PRR16: variants seen among roughly 807,000 people sequenced by gnomAD.
PRR16 encodes the protein protein Largen.
Under a neutral mutation model 18.2 loss-of-function variants are expected in PRR16, and 6 were observed. The ratio of observed to expected loss-of-function variants is 0.33; its 90% CI spans 0.18 to 0.65. The LOEUF is 0.65. Ranked by LOEUF, PRR16 falls within the 30% of genes least tolerant of loss-of-function variation. PRR16 has a pLI of 0.74. For missense variants in PRR16, 412 were observed against 376.6 expected, an observed-to-expected ratio of 1.09 and a Z score of -0.78; for synonymous variants, 151 against 147.8, an observed-to-expected ratio of 1.02 and a Z score of -0.16.
At chr5:120,554,304 T>A (rs980041294) in intron 1 of PRR16, among the ~76,000 whole-genome samples, 15 of 151,896 alleles carry the variant, frequency 9.9e-5, no homozygotes, top group Non-Finnish European at 1.5e-4. Flanking sequence ...AAGATTACCA[T>A]CTGAAATGGT....
intron 1 of PRR16, among the ~76,000 whole-genome samples, chr5:120,467,539 G>A (rs1482476605): frequency 2.6e-5 from 4 of 152,038 alleles, no homozygotes; most frequent in African/African-American, 7.2e-5. Context: ...CTTCATAGAA[G>A]TTTTCTGGGC....
At chr5:120,629,534 C>A (rs904673374) in intron 1 of PRR16, among the ~76,000 whole-genome samples, 4 of 152,060 alleles carry the variant, frequency 2.6e-5, no homozygotes, top group African/African-American at 9.7e-5. Context: ...ACCACCTTAC[C>A]ATCTAATATT....
At chr5:120,779,787 T>TAG in the PRR16 span, among the ~76,000 whole-genome samples, 1 of 152,182 alleles carries the variant, frequency 6.6e-6, no homozygotes, top group African/African-American at 2.4e-5. Flanking sequence ...GTTTCATTTC[T>TAG]TGGCATATCT....
chr5:120,645,297 A>G (rs1755550610), intron 1 of PRR16, among the ~76,000 whole-genome samples: 1 of 151,942 alleles, frequency 6.6e-6, no homozygotes, highest in Non-Finnish European at 1.5e-5. Flanking sequence ...CTGGTACTGT[A>G]TAATACATGA....
intron 1 of PRR16, among the ~76,000 whole-genome samples, chr5:120,603,083 G>T (rs1291743134): frequency 2.0e-5 from 3 of 152,042 alleles, no homozygotes; most frequent in Non-Finnish European, 4.4e-5. Flanking sequence ...TTCATAGAAT[G>T]AGGTGGGGAG....
At chr5:120,672,538 ATATG>A (rs1373574004) in intron 1 of PRR16, among the ~76,000 whole-genome samples, 13 of 49,540 alleles carry the variant, frequency 2.6e-4, no homozygotes, top group African/African-American at 5.8e-4. Context: ...TTATAGATAT[ATATG>A]TGTGTGTGTG....
chr5:120,684,726 C>G (rs930168804), intron 1 of PRR16, among the ~76,000 whole-genome samples: 1 of 152,290 alleles, frequency 6.6e-6, no homozygotes, highest in South Asian at 2.1e-4. Flanking sequence ...CAGCCAATGA[C>G]TGAACAGGGC....
chr5:120,689,838 T>A (rs1057224618), downstream of PRR16, among the ~76,000 whole-genome samples: 1 of 151,624 alleles, frequency 6.6e-6, no homozygotes, highest in African/African-American at 2.4e-5. Context: ...GAAAAGAAAA[T>A]AAAAATTGCC....
chr5:120,501,418 C>T (rs961062557), intron 1 of PRR16, among the ~76,000 whole-genome samples: 20 of 137,776 alleles, frequency 1.5e-4, no homozygotes, highest in Admixed American at 4.8e-4. Flanking sequence ...TAAACACACA[C>T]ACATACACAC....
intron 1 of PRR16, among the ~76,000 whole-genome samples, chr5:120,564,299 G>T (rs1752666671): frequency 6.6e-6 from 1 of 152,230 alleles, no homozygotes; most frequent in Admixed American, 6.5e-5. Context: ...CCCTGCCTCT[G>T]AGCCCAGCCC....
chr5:120,528,024 C>G (rs1332952214), intron 1 of PRR16, among the ~76,000 whole-genome samples: 1 of 152,084 alleles, frequency 6.6e-6, no homozygotes. Context: ...TTGGTAAATA[C>G]TAGTTTAGGT....
At chr5:120,543,713 A>C (rs1751987745) in intron 1 of PRR16, among the ~76,000 whole-genome samples, 1 of 152,192 alleles carries the variant, frequency 6.6e-6, no homozygotes, top group South Asian at 2.1e-4. Flanking sequence ...GTTATGCCTC[A>C]GCAATGATTT....
chr5:120,655,719 A>C (rs905910891), intron 1 of PRR16, among the ~76,000 whole-genome samples: 48 of 106,378 alleles, frequency 4.5e-4, no homozygotes, highest in African/African-American at 1.6e-3. Context: ...GGATGATAGC[A>C]ATTGACTTTT....
chr5:120,761,085 A>C, the PRR16 span, among the ~76,000 whole-genome samples: 1 of 150,968 alleles, frequency 6.6e-6, no homozygotes, highest in East Asian at 1.9e-4. Context: ...TGTCTTATAC[A>C]TATAAAATTT....
At chr5:120,544,333 T>TA (rs1307635271) in intron 1 of PRR16, among the ~76,000 whole-genome samples, 6 of 152,186 alleles carry the variant, frequency 3.9e-5, no homozygotes, top group African/African-American at 1.4e-4. Flanking sequence ...TAATTTTATT[T>TA]AAAGAAATTC....
chr5:120,658,291 T>G (rs183531120), intron 1 of PRR16: 2 of 151,672 alleles, frequency 1.3e-5, no homozygotes, highest in Admixed American at 6.6e-5. Context: ...CCAGCCTCAC[T>G]TAGGTTTATA....
chr5:120,758,344 T>G, the PRR16 span, among the ~76,000 whole-genome samples: 1 of 146,894 alleles, frequency 6.8e-6, no homozygotes, highest in Non-Finnish European at 1.5e-5. Flanking sequence ...AGGCCCCATA[T>G]GCATCAGCTC....
chr5:120,791,584 CATCTATCTATCTATCTATCT>C, the PRR16 span, among the ~76,000 whole-genome samples: 5 of 127,392 alleles, frequency 3.9e-5, no homozygotes, highest in African/African-American at 1.4e-4. Context: ...GAACTTCTAT[CATCTATCTATCTATCTATCT>C]ATCTATCTAT....
chr5:120,466,487 G>A (rs1749110853), intron 1 of PRR16, among the ~76,000 whole-genome samples: 2 of 152,158 alleles, frequency 1.3e-5, no homozygotes, highest in African/African-American at 2.4e-5. Flanking sequence ...ATGTTTTAAT[G>A]TCAGTCCACT....
Sources: allele counts gnomAD v4.1 joint callset (sites outside exome capture counted in the v4.1 genomes callset), GRCh38; gene constraint gnomAD v4.1.1; transcripts MANE v1.5; gene names NCBI Gene and HGNC (gene_info 2026-07-23, HGNC 2026-07-21).